Variants in NWD2 observed in about 807,000 individuals in gnomAD.
NWD2 encodes NACHT and WD repeat domain containing 2, also known as NACHT and WD repeat domain-containing protein 2.
In NWD2, 37 loss-of-function variants were observed where a neutral mutation model predicts 132.7. That is an observed-to-expected ratio of 0.28 (90% confidence interval 0.21 to 0.37). The LOEUF (loss-of-function observed/expected upper bound fraction) is 0.37, where lower values mean the gene tolerates loss of function less well. Ranked by LOEUF, NWD2 falls within the 10% of genes least tolerant of loss-of-function variation. The pLI is 1.00. For missense variants in NWD2, 1,592 were observed against 2,122.4 expected, an observed-to-expected ratio of 0.75 and a Z score of 4.91; for synonymous variants, 705 against 803.0, an observed-to-expected ratio of 0.88 and a Z score of 2.06.
intron 2 of NWD2, among the ~76,000 whole-genome samples, chr4:37,342,884 CCAGT>C (rs1719557332): frequency 6.6e-6 from 1 of 152,166 alleles, no homozygotes; most frequent in South Asian, 2.1e-4. Flanking sequence ...TGACACCAGG[CCAGT>C]CAGTCCTTTC....
intron 1 of NWD2, among the ~76,000 whole-genome samples, chr4:37,291,862 A>T (rs1718368176): frequency 6.6e-6 from 1 of 152,166 alleles, no homozygotes; most frequent in Non-Finnish European, 1.5e-5. Context: ...AAATTAAGGC[A>T]CCATGCATTA....
chr4:37,313,954 C>A (rs1005790161), intron 1 of NWD2, among the ~76,000 whole-genome samples: 3 of 148,840 alleles, frequency 2.0e-5, no homozygotes, highest in African/African-American at 7.8e-5. Flanking sequence ...CGTCGGCCTC[C>A]CAAAGTACTG....
chr4:37,428,675 C>T (rs1383264412), intron 3 of NWD2, among the ~76,000 whole-genome samples: 7 of 152,184 alleles, frequency 4.6e-5, no homozygotes, highest in South Asian at 2.1e-4. Flanking sequence ...GAACTACTGG[C>T]GTAAGCAGAC....
At position 37,438,872 on chromosome 4, in the gene NWD2, A is replaced by G. The variant is rs1405048700; in HGVS notation, c.778A>G (p.Ile260Val). Reference protein sequence around the residue: ...PAFLKKCVCYIRKIANIERFV... With the variant: ...PAFLKKCVCYVRKIANIERFV... ...ATTTCTAAAGAAGTGTGTTTGCTAC[A>G]TTAGGAAAATTGCTAACATTGAGCG... The change falls in exon 6 of 7, where the codon ATT (isoleucine) becomes GTT (valine). Residue 260 changes from isoleucine to valine, a missense_variant. Coordinates refer to ENST00000309447, the MANE Select transcript of NWD2 (RefSeq NM_001144990.2). The G allele has an allele frequency of 6.4e-7, 1 of 1,551,874 alleles. No individual in the cohort carries two copies.
intron 1 of NWD2, among the ~76,000 whole-genome samples, chr4:37,292,953 G>T: frequency 6.6e-6 from 1 of 152,132 alleles, no homozygotes; most frequent in East Asian, 1.9e-4. Context: ...AACAGGCCAC[G>T]GACCAGTACC....
intron 2 of NWD2, among the ~76,000 whole-genome samples, chr4:37,328,467 G>A (rs1280633401): frequency 6.6e-6 from 1 of 150,798 alleles, no homozygotes; most frequent in Admixed American, 6.6e-5. Flanking sequence ...ATTGTTCAAT[G>A]CCCACTTATG....
chr4:37,395,608 A>AAAAAAAAAAT (rs1720773094), intron 3 of NWD2, among the ~76,000 whole-genome samples: 1 of 149,294 alleles, frequency 6.7e-6, no homozygotes, highest in Non-Finnish European at 1.5e-5. Flanking sequence ...AAAAAAAAAA[A>AAAAAAAAAAT]AGAGTCTGCC....
rs561772521 is a variant in NWD2 at position 37,270,467 on chromosome 4, T to G, written c.151+25249T>G. On this transcript the variant is annotated intron_variant, in intron 1 of 6. Transcript: ENST00000309447. ...CCCTGTCCAGAGTCAAGTCAGTATCTTCTCATATCCGAAGATGGCCTACGA... is the reference window on the plus strand; with the variant it reads ...CCCTGTCCAGAGTCAAGTCAGTATCGTCTCATATCCGAAGATGGCCTACGA... 2.6e-5 allele frequency among the ~76,000 whole-genome samples: 4 copies of G among 151,916 alleles called. No homozygotes were observed. The South Asian group carries it at 8.3e-4, about 32-fold the overall frequency.
At chr4:37,335,410 A>C (rs747804778) in intron 2 of NWD2, among the ~76,000 whole-genome samples, 2 of 152,128 alleles carry the variant, frequency 1.3e-5, no homozygotes, top group Non-Finnish European at 2.9e-5. Context: ...CTTTATTTCT[A>C]ATCTTTACTA....
Position 37,323,695 on chromosome 4 carries a change from C to T in NWD2, c.152-2241C>T, listed in dbSNP as rs561221784. Among the ~76,000 whole-genome samples the T allele has an allele frequency of 2.6e-5, 4 of 152,194 alleles. No individual in the cohort carries two copies. In the South Asian group the frequency reaches 8.3e-4, roughly 32 times the overall value. ...CAGCAATCCCATTGCTAGATGTATA[C>T]CCAAAGAGAAATAGATCATTATACC... On this transcript the variant is annotated intron_variant, in intron 1 of 6. Transcript: ENST00000309447.
intron 2 of NWD2, among the ~76,000 whole-genome samples, chr4:37,327,349 A>G (rs1361571856): frequency 1.3e-5 from 2 of 152,194 alleles, no homozygotes; most frequent in African/African-American, 2.4e-5. Flanking sequence ...TTTCTGAACT[A>G]GAGGTAGGCA....
chr4:37,392,936 T>C (rs113838568), intron 3 of NWD2, among the ~76,000 whole-genome samples: 1 of 152,186 alleles, frequency 6.6e-6, no homozygotes, highest in African/African-American at 2.4e-5. Context: ...CACCCTAGGA[T>C]GTCTGTGAAT....
chr4:37,389,316 G>A (rs1720635573), intron 3 of NWD2, among the ~76,000 whole-genome samples: 1 of 152,092 alleles, frequency 6.6e-6, no homozygotes, highest in Admixed American at 6.5e-5. Flanking sequence ...TGGATTCATG[G>A]GGAAAAAGAA....
intron 3 of NWD2, among the ~76,000 whole-genome samples, chr4:37,399,377 T>C (rs1720861124): frequency 6.6e-6 from 1 of 152,198 alleles, no homozygotes; most frequent in South Asian, 2.1e-4. Context: ...TATTTTTAAT[T>C]CCAGACACCT....
chr4:37,400,951 G>A (rs1221429277), intron 3 of NWD2, among the ~76,000 whole-genome samples: 1 of 152,162 alleles, frequency 6.6e-6, no homozygotes, highest in Non-Finnish European at 1.5e-5. Flanking sequence ...TTGGAAAGCA[G>A]GATTATTAAG....
intron 1 of NWD2, among the ~76,000 whole-genome samples, chr4:37,259,554 C>T (rs978046263): frequency 2.6e-5 from 4 of 152,212 alleles, no homozygotes; most frequent in Admixed American, 1.3e-4. Flanking sequence ...GGTTACACAT[C>T]TCATCCCTCT....
intron 1 of NWD2, among the ~76,000 whole-genome samples, chr4:37,250,378 G>C (rs1352018408): frequency 6.6e-6 from 1 of 152,190 alleles, no homozygotes; most frequent in Non-Finnish European, 1.5e-5. Flanking sequence ...TTTATAGCTA[G>C]ACTTGGGAGC....
At chr4:37,293,481 AT>A (rs754894000) in intron 1 of NWD2, among the ~76,000 whole-genome samples, 18 of 152,224 alleles carry the variant, frequency 1.2e-4, no homozygotes, top group Non-Finnish European at 2.2e-4. Context: ...TATGGAAATT[AT>A]TTTATACCTA....
At chr4:37,271,433 T>TTATTTGC (rs1435682567) in intron 1 of NWD2, among the ~76,000 whole-genome samples, 1 of 151,866 alleles carries the variant, frequency 6.6e-6, no homozygotes, top group Non-Finnish European at 1.5e-5. Flanking sequence ...TTTTGTTAAA[T>TTATTTGC]TATTTGCTAA....
Sources: gnomAD v4.1 joint callset for allele counts (sites outside exome capture counted in the v4.1 genomes callset) on GRCh38, gnomAD v4.1.1 for gene constraint, MANE v1.5 for transcripts, NCBI Gene and HGNC (gene_info 2026-07-23, HGNC 2026-07-21) for gene names.